The following AKR1C3 variants were observed in gnomAD, a reference collection of about 807,000 sequenced individuals.
AKR1C3 encodes the protein 3-alpha hydroxysteroid dehydrogenase, type II.
Under a neutral mutation model 43.6 loss-of-function variants are expected in AKR1C3, and 48 were observed. That is an observed-to-expected ratio of 1.10 (90% CI 0.87 to 1.40). The LOEUF is 1.40. Ranked by LOEUF, AKR1C3 falls within the 40% of genes most tolerant of loss-of-function variation. The pLI is 0.00. For synonymous variants in AKR1C3, 162 were observed against 139.6 expected, an observed-to-expected ratio of 1.16 and a Z score of -1.13; for missense variants, 482 against 391.2, an observed-to-expected ratio of 1.23 and a Z score of -1.96.
intron 1 of AKR1C3, among the ~76,000 whole-genome samples, chr10:5,054,318 A>G (rs1326178505): frequency 2.0e-5 from 3 of 152,198 alleles, no homozygotes; most frequent in Admixed American, 6.5e-5. Context: ...AAGTAGATAA[A>G]CCAGCTATTC....
chr10:5,091,200 G>C (rs1420164041), upstream of AKR1C3, among the ~76,000 whole-genome samples: 2 of 151,722 alleles, frequency 1.3e-5, no homozygotes, highest in African/African-American at 2.4e-5. Context: ...GGAGAACTTA[G>C]CAGAGAGAAA....
At chr10:5,078,057 C>A in intron 1 of AKR1C3, 2 of 634,356 alleles carry the variant, frequency 3.2e-6, no homozygotes, top group Admixed American at 2.9e-5. Context: ...AATGGAAATA[C>A]CATTACAAAA....
At position 5,099,370 on chromosome 10, in the gene AKR1C3, G is replaced by C. The variant is rs782337612; in HGVS notation, c.491G>C (p.Gly164Ala). ...CKDAGLAKSI[G>A]VSNFNRRQLE... ...GATGCAGGATTGGCCAAGTCCATTG[G>C]GGTGTCAAACTTCAACCGCAGGCAG... The change falls in exon 5 of 9, where the codon GGG becomes GCG. Residue 164 changes from glycine to alanine, a missense_variant. Coordinates refer to ENST00000380554, the MANE Select transcript of AKR1C3 (RefSeq NM_003739.6). 1 of 1,613,996 alleles carries C rather than the reference G, an allele frequency of 6.2e-7. No homozygotes were observed. The highest frequency in any genetic ancestry group is 1.3e-5 in the African/African-American group (1 of 74,890).
chr10:5,059,486 C>T (rs1487410207), intron 1 of AKR1C3, among the ~76,000 whole-genome samples: 1 of 152,180 alleles, frequency 6.6e-6, no homozygotes, highest in Non-Finnish European at 1.5e-5. Context: ...GTTTTCCTCT[C>T]TGTTGACCCT....
intron 1 of AKR1C3, among the ~76,000 whole-genome samples, chr10:5,052,414 T>C (rs1367045009): frequency 6.6e-6 from 1 of 152,244 alleles, no homozygotes; most frequent in Non-Finnish European, 1.5e-5. Context: ...AGCCTGCTTT[T>C]ATTCTCTTAT....
chr10:5,054,228 T>C (rs946786544), intron 1 of AKR1C3, among the ~76,000 whole-genome samples: 1 of 152,190 alleles, frequency 6.6e-6, no homozygotes, highest in Admixed American at 6.5e-5. Flanking sequence ...CTATTTGGGA[T>C]TGTAAAGTAA....
chr10:5,053,673 C>G (rs1380791639), intron 1 of AKR1C3, among the ~76,000 whole-genome samples: 1 of 152,228 alleles, frequency 6.6e-6, no homozygotes, highest in Non-Finnish European at 1.5e-5. Context: ...AATCCCCCCT[C>G]TAAACAGGAC....
In AKR1C3 at chr10:5,107,451, C is replaced by G; in HGVS notation, c.930-10C>G. 6.5e-7 allele frequency: 1 copy of G among 1,543,474 alleles called. No individual in the cohort carries two copies. The highest frequency in any genetic ancestry group is 9.0e-7 in the Non-Finnish European group (1 of 1,116,216). On this transcript the variant is annotated splice_polypyrimidine_tract_variant and intron_variant, in intron 8 of 8. Transcript: ENST00000380554. ...CATTGCATTTATATTATACATTATT[C>G]TCTTTTCAGTTTTGCTAGCCACCCT... is the stretch of plus-strand genomic sequence containing the variant.
At chr10:5,098,425 G>A (rs1485274765) in intron 3 of AKR1C3, among the ~76,000 whole-genome samples, 1 of 152,144 alleles carries the variant, frequency 6.6e-6, no homozygotes, top group Non-Finnish European at 1.5e-5. Flanking sequence ...TCTTCAGGTG[G>A]TCTGATAATC....
In AKR1C3 at chr10:5,066,509, C is replaced by T. The variant is rs537548586; in HGVS notation, c.84+17614C>T. Among the ~76,000 whole-genome samples, 96 of 152,224 alleles carry T rather than the reference C, an allele frequency of 6.3e-4. 1 individual carries two copies. In the South Asian group the frequency reaches 0.019, roughly 30 times the overall value. On this transcript the variant is annotated intron_variant, in intron 1 of 8. Coordinates refer to the AKR1C3 transcript ENST00000439082. Reference sequence around the variant, plus strand: ...TTCCAGTCGAAGAGAGACCAAATGACATCCTAGTGATGGTTGCATATAAGC... The same window carrying T: ...TTCCAGTCGAAGAGAGACCAAATGATATCCTAGTGATGGTTGCATATAAGC...
chr10:5,097,723 T>C, intron 3 of AKR1C3, 173 bp downstream of exon 3: 2 of 1,433,172 alleles, frequency 1.4e-6, no homozygotes, highest in Non-Finnish European at 1.8e-6. Flanking sequence ...TGAATCCTAC[T>C]TCTCTAATGC....
intron 3 of AKR1C3, chr10:5,098,146 G>T: frequency 1.0e-6 from 1 of 986,098 alleles, no homozygotes; most frequent in Non-Finnish European, 1.2e-6. Context: ...TAATGCAAAA[G>T]AGTTTACTGA....
At chr10:5,083,574 A>G (rs371452600) in intron 1 of AKR1C3, among the ~76,000 whole-genome samples, 35 of 152,128 alleles carry the variant, frequency 2.3e-4, no homozygotes, top group Non-Finnish European at 4.9e-4. Context: ...ATGATTTATA[A>G]TCCTTTGGGT....
At chr10:5,059,803 C>T (rs574925010) in intron 1 of AKR1C3, among the ~76,000 whole-genome samples, 4 of 152,036 alleles carry the variant, frequency 2.6e-5, no homozygotes, top group African/African-American at 9.7e-5. Flanking sequence ...ATAGTCTCAC[C>T]CCTTGGCAAT....
At chr10:5,098,941 G>T (rs1839281820) in intron 4 of AKR1C3, 62 bp downstream of exon 4, 1 of 1,379,004 alleles carries the variant, frequency 7.3e-7, no homozygotes, top group Admixed American at 2.0e-5. Context: ...TGTTTCCCAG[G>T]TTCAATAGGA....
intron 5 of AKR1C3, chr10:5,099,656 C>A: frequency 1.2e-6 from 1 of 849,410 alleles, no homozygotes; most frequent in Non-Finnish European, 1.8e-6. Context: ...GAGTTTAATG[C>A]TGAATCGTGT....
chr10:5,090,853 T>C (rs1049618298), upstream of AKR1C3, among the ~76,000 whole-genome samples: 32 of 152,140 alleles, frequency 2.1e-4, no homozygotes, highest in African/African-American at 7.0e-4. Context: ...GTGAGACTGT[T>C]CTGTCCTAGA....
chr10:5,099,563 A>G (rs1256884331), intron 5 of AKR1C3, 114 bp downstream of exon 5: 12 of 1,535,102 alleles, frequency 7.8e-6, no homozygotes, highest in East Asian at 4.5e-5. Context: ...AAGATTATCT[A>G]GAGAGCAAAG....
chr10:5,102,036 A>G (rs1839364316), intron 5 of AKR1C3, 65 bp from the exon 6 acceptor site: 1 of 1,049,300 alleles, frequency 9.5e-7, no homozygotes, highest in Non-Finnish European at 1.5e-6. Context: ...CCTTACTTTC[A>G]TCTTTTCAAT....
Sources: allele counts gnomAD v4.1 joint callset (sites outside exome capture counted in the v4.1 genomes callset), GRCh38; gene constraint gnomAD v4.1.1; transcripts MANE v1.5; gene names NCBI Gene and HGNC (gene_info 2026-07-23, HGNC 2026-07-21).